MFSD11: variants seen among roughly 807,000 people sequenced by gnomAD.
MFSD11 encodes the protein UNC93-like protein MFSD11.
A neutral mutation model predicts 53.5 loss-of-function variants in MFSD11; 36 were observed. The observed-to-expected ratio is 0.67, with a 90% CI of 0.52 to 0.89. The LOEUF (loss-of-function observed/expected upper bound fraction) is 0.89, where lower values mean the gene tolerates loss of function less well. Among genes scored for constraint, MFSD11 ranks in the 40% least tolerant of loss-of-function variants. The probability of loss-of-function intolerance (pLI) is 0.00; values close to 1 mark genes in which losing one functional copy is unlikely to be tolerated. For missense variants in MFSD11, 530 were observed against 543.9 expected (o/e 0.97, Z 0.25); for synonymous variants, 186 against 184.9 (o/e 1.01, Z -0.05).
At chr17:76,784,531 C>CAA (rs371574339), downstream of MFSD11, among the ~76,000 whole-genome samples, 642 of 145,870 alleles carry the variant, frequency 4.4e-3, 7 homozygotes, top group African/African-American at 0.015. Context: ...GACTCCATCT[C>CAA]AAAAAAAAAA....
In MFSD11 at chr17:76,743,447, C is replaced by G; in HGVS notation, c.487C>G (p.Gln163Glu). The G allele has an allele frequency of 6.3e-7, 1 of 1,576,580 alleles. No homozygotes were observed. The highest frequency in any genetic ancestry group is 8.6e-7 in the Non-Finnish European group (1 of 1,163,740). The change falls in exon 6 of 13, where the codon CAG becomes GAG. Residue 163 changes from glutamine to glutamate, a missense_variant. Transcript: ENST00000685175. The stretch of plus-strand genomic sequence containing the variant: ...ATATTTTGCCTGGCAAGGGAAAACT[C>G]AGATATCAGGTTTGTTTTATTCGCG... Reference protein sequence around the residue: ...YIYFAWQGKTQISESDRRTVF... With the variant: ...YIYFAWQGKTEISESDRRTVF...
chr17:76,739,107 T>G, intron 2 of MFSD11, 114 bp downstream of exon 2: 2 of 800,326 alleles, frequency 2.5e-6, no homozygotes. Context: ...GCATTTTCTC[T>G]TCTCAGTGCC....
In MFSD11 at chr17:76,754,029, T is replaced by C. The variant is rs776787567; in HGVS notation, c.642-18T>C. Reference sequence around the variant, plus strand: ...TTTCAAAAAGAAAAAACTTATTTTTTACATTTTATTTTCTCAGGTCTGCCC... The same window carrying C: ...TTTCAAAAAGAAAAAACTTATTTTTCACATTTTATTTTCTCAGGTCTGCCC... On this transcript the variant is annotated intron_variant, in intron 7 of 12. Coordinates refer to ENST00000685175, the MANE Select transcript of MFSD11 (RefSeq NM_001242532.5). 5.4e-5 allele frequency: 86 copies of C among 1,595,332 alleles called. 1 individual carries two copies. In the South Asian group the frequency reaches 9.6e-4, roughly 18 times the overall value.
the MFSD11 span, among the ~76,000 whole-genome samples, chr17:76,795,627 T>C: frequency 1.3e-5 from 2 of 152,178 alleles, no homozygotes; most frequent in Admixed American, 1.3e-4. Flanking sequence ...ACATCTTTCA[T>C]GATGTTGACA....
chr17:76,798,870 A>C, the MFSD11 span, among the ~76,000 whole-genome samples: 15 of 151,798 alleles, frequency 9.9e-5, no homozygotes, highest in African/African-American at 3.4e-4. Context: ...TCTACGAAAA[A>C]TACAAAATTA....
In MFSD11 at chr17:76,742,354, A is replaced by G. The variant is rs2078172640; in HGVS notation, c.437+81A>G. 6.2e-6 allele frequency: 7 copies of G among 1,136,552 alleles called. No homozygotes were observed. The South Asian group carries it at 8.3e-5, about 13-fold the overall frequency. 70.4% of individuals were successfully genotyped at this position (1,136,552 alleles called of 1,614,324 possible). On this transcript the variant is annotated intron_variant, in intron 5 of 12. Coordinates refer to ENST00000685175, the MANE Select transcript of MFSD11 (RefSeq NM_001242532.5). Reference sequence around the variant, plus strand: ...CCATTTTTTAGGTCTTTGGTTGACAATTTGGATCTTCCATGTTACGTGACT... The same window carrying G: ...CCATTTTTTAGGTCTTTGGTTGACAGTTTGGATCTTCCATGTTACGTGACT...
At chr17:76,750,364 AT>A (rs1256470874) in intron 7 of MFSD11, among the ~76,000 whole-genome samples, 1,350 of 123,652 alleles carry the variant, frequency 0.011, 2 homozygotes, top group Non-Finnish European at 0.015. Flanking sequence ...TGTGTTAGTA[AT>A]TTTTTTTTTT....
the MFSD11 span, among the ~76,000 whole-genome samples, chr17:76,800,021 T>C: frequency 6.6e-6 from 1 of 150,624 alleles, no homozygotes; most frequent in East Asian, 1.9e-4. Context: ...TGTGGTGTGA[T>C]CTTGGCTCAC....
intron 7 of MFSD11, 28 bp downstream of exon 7, chr17:76,744,494 TTTTAA>T (rs760466585): frequency 3.5e-5 from 55 of 1,591,492 alleles, no homozygotes; most frequent in Non-Finnish European, 4.5e-5. Context: ...TTCTATTTTA[TTTTAA>T]AATAGATTTT....
chr17:76,760,073 G>A (rs1360223179), intron 8 of MFSD11, among the ~76,000 whole-genome samples: 1 of 151,282 alleles, frequency 6.6e-6, no homozygotes, highest in East Asian at 2.0e-4. Context: ...TTCGAGACCA[G>A]CCTGGCCAGC....
Position 76,778,842 on chromosome 17 carries a change from C to T in MFSD11, c.*490C>T, listed in dbSNP as rs1281549266. 3 of 156,578 alleles carry T rather than the reference C, an allele frequency of 1.9e-5. No individual in the cohort carries two copies. The highest frequency in any genetic ancestry group is 7.2e-5 in the African/African-American group (3 of 41,450). The allele number at this position is 156,578 out of a possible 1,614,324, so 9.7% of individuals were successfully genotyped here. A position where few individuals can be genotyped will look rare whatever the true frequency, so the allele number is the denominator to read the frequency against. Reference sequence around the variant, plus strand: ...GTGTGGTGTTGCACCGCTATACTCCCAGCTGTTGGGGAGGCTGAGACAGAA... The same window carrying T: ...GTGTGGTGTTGCACCGCTATACTCCTAGCTGTTGGGGAGGCTGAGACAGAA... On this transcript the variant is annotated 3_prime_UTR_variant, in exon 13 of 13. Transcript: ENST00000685175.
chr17:76,768,881 AG>A (rs1438167571), intron 9 of MFSD11, among the ~76,000 whole-genome samples: 1 of 151,286 alleles, frequency 6.6e-6, no homozygotes, highest in Non-Finnish European at 1.5e-5. Context: ...GCTACTTGGG[AG>A]GCTGAGGCAA....
At chr17:76,737,188 C>T, upstream of MFSD11, 6 of 1,518,296 alleles carry the variant, frequency 4.0e-6, no homozygotes, top group Non-Finnish European at 4.4e-6. Flanking sequence ...CGGAGCCCCG[C>T]GAACTGGCGC....
intron 11 of MFSD11, 64 bp downstream of exon 11, chr17:76,775,235 C>T: frequency 3.4e-6 from 5 of 1,481,396 alleles, no homozygotes; most frequent in Non-Finnish European, 4.6e-6. Context: ...TGGCTAGATA[C>T]TGAAAGTGGA....
intron 2 of MFSD11, 123 bp from the exon 3 acceptor site, chr17:76,740,834 C>G: frequency 1.6e-6 from 1 of 628,644 alleles, no homozygotes; most frequent in African/African-American, 1.9e-5. Flanking sequence ...ATCATAAATT[C>G]TGACTAAATA....
intron 10 of MFSD11, among the ~76,000 whole-genome samples, chr17:76,773,892 C>T (rs2081586479): frequency 6.6e-6 from 1 of 151,988 alleles, no homozygotes; most frequent in Non-Finnish European, 1.5e-5. Flanking sequence ...AGGCGTGAGC[C>T]ACCATGCCCA....
At chr17:76,756,932 C>T (rs1468538731) in intron 8 of MFSD11, among the ~76,000 whole-genome samples, 2 of 151,972 alleles carry the variant, frequency 1.3e-5, no homozygotes, top group Non-Finnish European at 2.9e-5. Flanking sequence ...AAGCTAAACT[C>T]ATAGAAATGG....
chr17:76,778,082 T>G, intron 12 of MFSD11, 106 bp from the exon 13 acceptor site: 4 of 1,053,912 alleles, frequency 3.8e-6, no homozygotes, highest in Non-Finnish European at 5.7e-6. Context: ...GAAAGCACTG[T>G]GAGTTCCAGG....
chr17:76,781,002 C>T (rs2082151462), downstream of MFSD11: 1 of 152,178 alleles, frequency 6.6e-6, no homozygotes, highest in Non-Finnish European at 1.5e-5. Context: ...TACCTCAAAA[C>T]GTAGCCACTT....
Sources: gnomAD v4.1 joint callset for allele counts (sites outside exome capture counted in the v4.1 genomes callset) on GRCh38, gnomAD v4.1.1 for gene constraint, MANE v1.5 for transcripts, NCBI Gene and HGNC (gene_info 2026-07-23, HGNC 2026-07-21) for gene names.